GABRB2: variants seen among roughly 807,000 people sequenced by gnomAD.
The protein encoded by GABRB2 is gamma-aminobutyric acid type A receptor subunit beta2.
In GABRB2, 16 loss-of-function variants were observed where a neutral mutation model predicts 54.7. That is an observed-to-expected ratio of 0.29 (90% confidence interval 0.20 to 0.44). GABRB2 has a LOEUF of 0.44. Among genes scored for constraint, GABRB2 ranks in the 20% least tolerant of loss-of-function variants. The pLI is 1.00. For missense variants in GABRB2, 355 were observed against 644.0 expected (o/e 0.55, Z 4.86); for synonymous variants, 244 against 233.8 (o/e 1.04, Z -0.40).
At chr5:161,430,454 T>C (rs1053943294) in intron 4 of GABRB2, among the ~76,000 whole-genome samples, 1 of 152,144 alleles carries the variant, frequency 6.6e-6, no homozygotes, top group Non-Finnish European at 1.5e-5. Context: ...AGAACATGCC[T>C]TGGGTAGCTA....
intron 5 of GABRB2, among the ~76,000 whole-genome samples, chr5:161,394,371 A>G (rs937590941): frequency 1.5e-4 from 23 of 152,012 alleles, no homozygotes; most frequent in African/African-American, 5.5e-4. Flanking sequence ...AGCAGTAATC[A>G]ATGAAATAAA....
At chr5:161,508,228 C>A (rs535939259) in intron 3 of GABRB2, among the ~76,000 whole-genome samples, 1 of 151,200 alleles carries the variant, frequency 6.6e-6, no homozygotes, top group South Asian at 2.1e-4. Context: ...TGAATTAATT[C>A]ATCTATTCCA....
At chr5:161,482,830 C>G (rs556756521) in intron 3 of GABRB2, among the ~76,000 whole-genome samples, 25 of 152,070 alleles carry the variant, frequency 1.6e-4, no homozygotes, top group Non-Finnish European at 2.1e-4. Flanking sequence ...GTTGTGAAAA[C>G]TAGGCAGCAA....
At chr5:161,420,182 A>G (rs1756806759) in intron 4 of GABRB2, among the ~76,000 whole-genome samples, 1 of 152,184 alleles carries the variant, frequency 6.6e-6, no homozygotes, top group Non-Finnish European at 1.5e-5. Flanking sequence ...ATACCATTTC[A>G]GAACAAGTTT....
At chr5:161,322,622 C>T (rs1758245187) in intron 9 of GABRB2, among the ~76,000 whole-genome samples, 1 of 152,002 alleles carries the variant, frequency 6.6e-6, no homozygotes. Flanking sequence ...TTTTTCCATT[C>T]TTTACTAACA....
At chr5:161,535,458 G>A (rs1449377667) in intron 3 of GABRB2, among the ~76,000 whole-genome samples, 2 of 151,848 alleles carry the variant, frequency 1.3e-5, no homozygotes, top group East Asian at 3.9e-4. Context: ...AAAAATAAGA[G>A]TAAAAACAAC....
intron 3 of GABRB2, among the ~76,000 whole-genome samples, chr5:161,502,481 G>A (rs1314713642): frequency 1.3e-5 from 2 of 152,012 alleles, no homozygotes; most frequent in African/African-American, 4.8e-5. Context: ...ACTATGAGGA[G>A]TATGAGAATC....
chr5:161,466,731 C>A (rs1453780373), intron 3 of GABRB2, among the ~76,000 whole-genome samples: 1 of 151,974 alleles, frequency 6.6e-6, no homozygotes, highest in Admixed American at 6.6e-5. Context: ...GGCCTCTATC[C>A]CCACCTGGAC....
chr5:161,327,419 T>G (rs1758400730), intron 8 of GABRB2, among the ~76,000 whole-genome samples: 1 of 152,082 alleles, frequency 6.6e-6, no homozygotes, highest in African/African-American at 2.4e-5. Context: ...GCCAGCACAC[T>G]TTTATGTACA....
chr5:161,323,357 C>A (rs1371729125), intron 9 of GABRB2, among the ~76,000 whole-genome samples: 1 of 152,154 alleles, frequency 6.6e-6, no homozygotes, highest in Non-Finnish European at 1.5e-5. Flanking sequence ...GGGTCATTAT[C>A]TGTCTTTGCA....
At chr5:161,516,795 A>G (rs990970641) in intron 3 of GABRB2, among the ~76,000 whole-genome samples, 1 of 152,226 alleles carries the variant, frequency 6.6e-6, no homozygotes, top group Non-Finnish European at 1.5e-5. Context: ...AAACAATCCA[A>G]CAACAAGGTA....
intron 4 of GABRB2, among the ~76,000 whole-genome samples, chr5:161,417,616 T>C (rs942981613): frequency 4.6e-5 from 7 of 152,218 alleles, no homozygotes; most frequent in African/African-American, 1.4e-4. Flanking sequence ...CATTACATGT[T>C]CTGTGACCTT....
chr5:161,546,195 T>G, intron 2 of GABRB2, 127 bp downstream of exon 2: 2 of 713,626 alleles, frequency 2.8e-6, no homozygotes, highest in Non-Finnish European at 4.8e-6. Flanking sequence ...TTTCTCAATA[T>G]GGTAAAATAG....
At chr5:161,515,093 G>C (rs1333377375) in intron 3 of GABRB2, among the ~76,000 whole-genome samples, 3 of 152,090 alleles carry the variant, frequency 2.0e-5, no homozygotes, top group Non-Finnish European at 4.4e-5. Context: ...ATATGGCTTA[G>C]ATAGGTAGAA....
At chr5:161,378,888 A>G (rs1311278449) in intron 5 of GABRB2, among the ~76,000 whole-genome samples, 4 of 152,212 alleles carry the variant, frequency 2.6e-5, no homozygotes, top group African/African-American at 9.6e-5. Flanking sequence ...CATGGAAGGC[A>G]ACATATGTTG....
intron 3 of GABRB2, among the ~76,000 whole-genome samples, chr5:161,494,127 A>T (rs1179114774): frequency 6.6e-6 from 1 of 151,834 alleles, no homozygotes; most frequent in Non-Finnish European, 1.5e-5. Flanking sequence ...ACCATAAAAC[A>T]TAATCTCTAA....
intron 3 of GABRB2, among the ~76,000 whole-genome samples, chr5:161,472,668 C>T (rs559415376): frequency 8.0e-4 from 122 of 151,936 alleles, no homozygotes; most frequent in African/African-American, 2.8e-3. Context: ...TAAAGCATCC[C>T]TAGTTTTGGC....
chr5:161,304,712 G>C (rs1004289918), intron 9 of GABRB2, among the ~76,000 whole-genome samples: 2 of 151,870 alleles, frequency 1.3e-5, no homozygotes, highest in Non-Finnish European at 2.9e-5. Context: ...ATAATATTCA[G>C]GTTGAGATAG....
chr5:161,515,439 G>A (rs1218128151), intron 3 of GABRB2, among the ~76,000 whole-genome samples: 3 of 151,958 alleles, frequency 2.0e-5, no homozygotes, highest in Non-Finnish European at 4.4e-5. Context: ...CTGTAGCTAT[G>A]AGAAACTCAA....
Sources: allele counts gnomAD v4.1 joint callset (sites outside exome capture counted in the v4.1 genomes callset), GRCh38; gene constraint gnomAD v4.1.1; transcripts MANE v1.5; gene names NCBI Gene and HGNC (gene_info 2026-07-23, HGNC 2026-07-21).